RECQL: variants seen among roughly 807,000 people sequenced by gnomAD.
RECQL encodes the protein ATP-dependent DNA helicase Q1.
RECQL carries 73 observed loss-of-function variants against 75.8 expected under a neutral mutation model. The ratio of observed to expected loss-of-function variants is 0.96; its 90% CI spans 0.80 to 1.17. RECQL has a LOEUF of 1.17. Ranked by LOEUF, RECQL falls within the 50% of genes most tolerant of loss-of-function variation. The pLI is 0.00. For missense variants in RECQL, 699 were observed against 772.1 expected (o/e 0.91, Z 1.12); for synonymous variants, 248 against 254.4 (o/e 0.97, Z 0.24).
chr12:21,483,256 G>A, intron 6 of RECQL, 120 bp downstream of exon 6: 4 of 755,088 alleles, frequency 5.3e-6, no homozygotes, highest in Non-Finnish European at 8.7e-6. Flanking sequence ...CTGGATAACG[G>A]ATATTCAATG....
intron 6 of RECQL, among the ~76,000 whole-genome samples, chr12:21,479,059 C>T (rs1049648336): frequency 6.6e-6 from 1 of 152,154 alleles, no homozygotes. Flanking sequence ...TCCCTACAAG[C>T]TCCGCCTCGT....
At chr12:21,500,867 G>T (rs188105763) in intron 1 of RECQL, among the ~76,000 whole-genome samples, 62 of 152,260 alleles carry the variant, frequency 4.1e-4, no homozygotes, top group African/African-American at 1.5e-3. Context: ...GCGGTTAAAA[G>T]ACTGCTCCTT....
chr12:21,481,607 G>A (rs1591979760), intron 6 of RECQL, among the ~76,000 whole-genome samples: 1 of 151,928 alleles, frequency 6.6e-6, no homozygotes, highest in East Asian at 1.9e-4. Flanking sequence ...TCCCGTTTAA[G>A]GCATTTAAAT....
At chr12:21,487,549 A>G (rs548506219) in intron 4 of RECQL, among the ~76,000 whole-genome samples, 50 of 152,356 alleles carry the variant, frequency 3.3e-4, no homozygotes, top group African/African-American at 1.2e-3. Flanking sequence ...AAGAGCAGAC[A>G]TGTTTAAAAA....
At position 21,499,423 on chromosome 12, in the gene RECQL, T is replaced by C. The variant is rs543550594; in HGVS notation, c.16+132A>G. Reference sequence around the variant, plus strand: ...GGTTAGCATGGCAAAGTTTGTAATGTGTATTTTACTTCAATAAAAAAGCTG... The same window carrying C: ...GGTTAGCATGGCAAAGTTTGTAATGCGTATTTTACTTCAATAAAAAAGCTG... On this transcript the variant is annotated intron_variant, in intron 2 of 14. Transcript: ENST00000444129. 3.1e-5 allele frequency: 24 copies of C among 771,712 alleles called. No homozygotes were observed. In the Admixed American group the frequency reaches 6.1e-4, roughly 19 times the overall value. 47.8% of individuals were successfully genotyped at this position (771,712 alleles called of 1,614,324 possible). A position where few individuals can be genotyped will look rare whatever the true frequency, so the allele number is the denominator to read the frequency against.
chr12:21,489,862 A>T (rs1022809057), intron 4 of RECQL, among the ~76,000 whole-genome samples: 7 of 151,878 alleles, frequency 4.6e-5, no homozygotes, highest in Non-Finnish European at 1.0e-4. Context: ...AGTTTTTAAA[A>T]CTCCTCCTTT....
Position 21,501,553 on chromosome 12 carries a change from G to A in RECQL, c.-429C>T. 1 of 250,540 alleles carries A rather than the reference G, an allele frequency of 4.0e-6. No homozygotes were observed. Among genetic ancestry groups the A allele is most frequent in the Non-Finnish European group, 7.9e-6 (1 of 126,902 alleles). 15.5% of individuals were successfully genotyped at this position (250,540 alleles called of 1,614,324 possible). A position where few individuals can be genotyped will look rare whatever the true frequency, so the allele number is the denominator to read the frequency against. ...TCCGATCTCCGACTCTCGGATCTCC[G>A]ACACCAAAGCACCCAGGCCTCGAGC... On this transcript the variant is annotated 5_prime_UTR_variant, in exon 1 of 15. Coordinates refer to ENST00000444129, the MANE Select transcript of RECQL (RefSeq NM_002907.4).
Position 21,491,413 on chromosome 12 carries a change from TC to T in RECQL, c.214+105del, listed in dbSNP as rs559543762. 2.4e-3 allele frequency: 2,603 copies of T among 1,107,410 alleles called. 8 individuals carry two copies. Among genetic ancestry groups the T allele is most frequent in the Non-Finnish European group, 2.9e-3 (2,349 of 803,302 alleles). The allele number at this position is 1,107,410 out of a possible 1,614,324, so 68.6% of individuals were successfully genotyped here. ...CATTCCACTGGAGAAATGGCCAGTT[TC>T]ACCTCTAAGCCTACTGGAAAGCACT... On this transcript the variant is annotated intron_variant, in intron 3 of 14. Coordinates refer to ENST00000444129, the MANE Select transcript of RECQL (RefSeq NM_002907.4).
intron 6 of RECQL, among the ~76,000 whole-genome samples, chr12:21,478,965 T>A (rs1349689293): frequency 6.6e-6 from 1 of 152,184 alleles, no homozygotes; most frequent in East Asian, 1.9e-4. Flanking sequence ...CGATAGCTAC[T>A]CACAGGAAGT....
chr12:21,499,344 G>A (rs979273053), intron 2 of RECQL, among the ~76,000 whole-genome samples: 5 of 152,164 alleles, frequency 3.3e-5, no homozygotes, highest in Non-Finnish European at 7.3e-5. Flanking sequence ...TAGTGGTGAC[G>A]ACTGCACAAC....
chr12:21,493,173 A>T (rs188911920), intron 2 of RECQL, among the ~76,000 whole-genome samples: 4 of 152,318 alleles, frequency 2.6e-5, no homozygotes, highest in East Asian at 1.9e-4. Flanking sequence ...GGCCACATAG[A>T]ACTGGCTTTC....
chr12:21,491,318 G>A (rs1943407060), intron 3 of RECQL, among the ~76,000 whole-genome samples: 1 of 152,048 alleles, frequency 6.6e-6, no homozygotes, highest in Non-Finnish European at 1.5e-5. Flanking sequence ...GGAAAAAAAT[G>A]TCTGAATAAT....
At chr12:21,474,554 T>C (rs1241916388) in intron 11 of RECQL, among the ~76,000 whole-genome samples, 2 of 152,102 alleles carry the variant, frequency 1.3e-5, no homozygotes. Context: ...ATCATGTAAC[T>C]GTACAGCAGT....
At chr12:21,489,569 T>C (rs1004405600) in intron 4 of RECQL, among the ~76,000 whole-genome samples, 2 of 152,242 alleles carry the variant, frequency 1.3e-5, no homozygotes, top group Non-Finnish European at 2.9e-5. Context: ...TGCTCACTAC[T>C]GTGTCTCCCA....
intron 2 of RECQL, among the ~76,000 whole-genome samples, chr12:21,492,472 C>A (rs1283595354): frequency 6.6e-6 from 1 of 152,184 alleles, no homozygotes. Flanking sequence ...GTTTAATGTG[C>A]TTCTTCATGA....
At chr12:21,494,808 C>G (rs1344057818) in intron 2 of RECQL, among the ~76,000 whole-genome samples, 1 of 152,204 alleles carries the variant, frequency 6.6e-6, no homozygotes, top group Non-Finnish European at 1.5e-5. Flanking sequence ...CTGGGGCTCC[C>G]CTGGCTGTTC....
At chr12:21,494,933 C>T (rs936875378) in intron 2 of RECQL, among the ~76,000 whole-genome samples, 9 of 152,096 alleles carry the variant, frequency 5.9e-5, no homozygotes, top group Admixed American at 3.9e-4. Context: ...GAATTTATGA[C>T]GAAAAATAAA....
intron 6 of RECQL, among the ~76,000 whole-genome samples, chr12:21,480,091 T>TG (rs1943164279): frequency 6.6e-6 from 1 of 150,840 alleles, no homozygotes; most frequent in African/African-American, 2.4e-5. Context: ...CATTAGAGAG[T>TG]GGTAAGTGCT....
At chr12:21,471,302 G>T in intron 13 of RECQL, 126 bp downstream of exon 13, 3 of 994,656 alleles carry the variant, frequency 3.0e-6, no homozygotes, top group South Asian at 1.8e-5. Context: ...AGTGTTTTAG[G>T]TAAATTACTT....
Sources: gnomAD v4.1 joint callset for allele counts (sites outside exome capture counted in the v4.1 genomes callset) on GRCh38, gnomAD v4.1.1 for gene constraint, MANE v1.5 for transcripts, NCBI Gene and HGNC (gene_info 2026-07-23, HGNC 2026-07-21) for gene names.